The following ATRNL1 variants were observed in gnomAD, a reference collection of about 807,000 sequenced individuals.
ATRNL1 encodes the protein attractin-like protein 1.
ATRNL1 carries 95 observed loss-of-function variants against 182.7 expected under a neutral mutation model. That is an observed-to-expected ratio of 0.52 (90% CI 0.44 to 0.62). The LOEUF is 0.62. Ranked by LOEUF, ATRNL1 falls within the 20% of genes least tolerant of loss-of-function variation. ATRNL1 has a pLI of 0.00. For synonymous variants in ATRNL1, 576 were observed against 568.3 expected, an observed-to-expected ratio of 1.01 and a Z score of -0.19; for missense variants, 1,471 against 1,679.5, an observed-to-expected ratio of 0.88 and a Z score of 2.17.
At chr10:115,537,276 TC>T (rs773595962) in intron 25 of ATRNL1, among the ~76,000 whole-genome samples, 1 of 152,196 alleles carries the variant, frequency 6.6e-6, no homozygotes, top group Non-Finnish European at 1.5e-5. Context: ...AATAGACTTC[TC>T]CAAGAGTCAT....
intron 26 of ATRNL1, among the ~76,000 whole-genome samples, chr10:115,615,095 CTTTG>C (rs1274985948): frequency 2.6e-5 from 4 of 151,760 alleles, no homozygotes; most frequent in African/African-American, 7.3e-5. Flanking sequence ...TGTGTATATC[CTTTG>C]TTTCTTTCTT....
At chr10:115,848,167 T>C (rs1555099493) in intron 28 of ATRNL1, among the ~76,000 whole-genome samples, 176 bp downstream of exon 28, 1 of 152,180 alleles carries the variant, frequency 6.6e-6, no homozygotes, top group East Asian at 1.9e-4. Flanking sequence ...TGCATTGTTA[T>C]AAAGGTAGAT....
At chr10:115,320,419 C>T (rs1854522875) in intron 18 of ATRNL1, among the ~76,000 whole-genome samples, 1 of 152,022 alleles carries the variant, frequency 6.6e-6, no homozygotes, top group African/African-American at 2.4e-5. Flanking sequence ...TCTGTATTTC[C>T]TGAATTTGAA....
At chr10:115,815,906 G>A (rs1950153683) in intron 27 of ATRNL1, among the ~76,000 whole-genome samples, 1 of 152,112 alleles carries the variant, frequency 6.6e-6, no homozygotes, top group Non-Finnish European at 1.5e-5. Context: ...TGCCAGGTAA[G>A]AGGAGAATAA....
At chr10:115,678,022 T>A (rs1019089433) in intron 26 of ATRNL1, among the ~76,000 whole-genome samples, 10 of 152,070 alleles carry the variant, frequency 6.6e-5, no homozygotes, top group African/African-American at 2.4e-4. Flanking sequence ...AAAATTTGAG[T>A]TTGGTATGGG....
chr10:115,253,176 G>A (rs1018223736), intron 10 of ATRNL1, among the ~76,000 whole-genome samples: 2 of 152,180 alleles, frequency 1.3e-5, no homozygotes, highest in Non-Finnish European at 2.9e-5. Context: ...AAGAGGTAGG[G>A]GGATGATGCA....
At chr10:115,794,070 G>T (rs532461570) in intron 27 of ATRNL1, among the ~76,000 whole-genome samples, 1 of 152,278 alleles carries the variant, frequency 6.6e-6, no homozygotes, top group East Asian at 1.9e-4. Context: ...AGACAAGTGT[G>T]CATCAAACGG....
intron 20 of ATRNL1, among the ~76,000 whole-genome samples, chr10:115,415,519 A>G (rs1554960685): frequency 6.7e-6 from 1 of 149,144 alleles, no homozygotes; most frequent in Non-Finnish European, 1.5e-5. Flanking sequence ...TTTTTTTGCT[A>G]TGCAGCTTTC....
At chr10:115,420,038 A>T (rs1554961658) in intron 20 of ATRNL1, among the ~76,000 whole-genome samples, 1 of 122,206 alleles carries the variant, frequency 8.2e-6, no homozygotes, top group Non-Finnish European at 1.9e-5. Context: ...ATGTCTTAAC[A>T]ATTTTTTTTT....
At chr10:115,400,349 G>T (rs1554956706) in intron 20 of ATRNL1, among the ~76,000 whole-genome samples, 1 of 152,112 alleles carries the variant, frequency 6.6e-6, no homozygotes, top group East Asian at 1.9e-4. Flanking sequence ...CTTGAAAAGT[G>T]TTTTAATTCT....
intron 27 of ATRNL1, among the ~76,000 whole-genome samples, chr10:115,809,547 T>C (rs1362973634): frequency 6.6e-6 from 1 of 152,058 alleles, no homozygotes; most frequent in Non-Finnish European, 1.5e-5. Context: ...CCTAAATTTT[T>C]GATACTACTA....
intron 26 of ATRNL1, among the ~76,000 whole-genome samples, chr10:115,618,298 A>C (rs1292398919): frequency 2.0e-5 from 3 of 151,994 alleles, no homozygotes; most frequent in African/African-American, 7.2e-5. Context: ...CTCAGAGAAG[A>C]CCTTTTGAGT....
Position 115,946,597 on chromosome 10 carries a change from T to C in ATRNL1, c.*1818T>C, listed in dbSNP as rs868936784. The C allele has an allele frequency of 6.6e-6, 1 of 152,142 alleles. No individual in the cohort carries two copies. The highest frequency in any genetic ancestry group is 2.4e-5 in the African/African-American group (1 of 41,442). 9.4% of individuals were successfully genotyped at this position (152,142 alleles called of 1,614,324 possible). On this transcript the variant is annotated 3_prime_UTR_variant, in exon 29 of 29. Coordinates refer to ENST00000355044, the MANE Select transcript of ATRNL1 (RefSeq NM_207303.4). ...TTTTAGTAATTTTATCTATAATCTGTGGGGTTTTTTTGGAGGGGGAGGCCA... is the reference window on the plus strand; with the variant it reads ...TTTTAGTAATTTTATCTATAATCTGCGGGGTTTTTTTGGAGGGGGAGGCCA...
intron 26 of ATRNL1, among the ~76,000 whole-genome samples, chr10:115,721,826 G>A (rs889201663): frequency 1.3e-5 from 2 of 152,244 alleles, no homozygotes; most frequent in South Asian, 2.1e-4. Flanking sequence ...AACATTTTCC[G>A]TTTTTCCTTT....
intron 26 of ATRNL1, among the ~76,000 whole-genome samples, chr10:115,666,619 AAT>A (rs1205399152): frequency 6.6e-6 from 1 of 152,190 alleles, no homozygotes; most frequent in African/African-American, 2.4e-5. Context: ...TGAGCCTTCC[AAT>A]ATGACAGCCA....
intron 28 of ATRNL1, among the ~76,000 whole-genome samples, chr10:115,914,407 C>A (rs573048684): frequency 8.5e-4 from 130 of 152,272 alleles, no homozygotes; most frequent in African/African-American, 3.1e-3. Flanking sequence ...ATTCTGAGGT[C>A]ATGTTGACCA....
intron 25 of ATRNL1, among the ~76,000 whole-genome samples, chr10:115,530,118 C>CTATT (rs59527945): frequency 0.19 from 28,895 of 151,866 alleles, 3,164 homozygotes; most frequent in Non-Finnish European, 0.25. Flanking sequence ...TTTTATTTCT[C>CTATT]TATTAGTTGA....
intron 28 of ATRNL1, among the ~76,000 whole-genome samples, chr10:115,851,862 T>C (rs1336626493): frequency 1.3e-5 from 2 of 152,118 alleles, no homozygotes; most frequent in Non-Finnish European, 2.9e-5. Context: ...GGTTGAAAGA[T>C]TGACATCTCC....
intron 27 of ATRNL1, among the ~76,000 whole-genome samples, chr10:115,754,673 A>T (rs11197431): frequency 0.03 from 4,532 of 152,232 alleles, 248 homozygotes; most frequent in African/African-American, 0.1. Context: ...GTTCCATATG[A>T]ACTTTAAAGT....
Sources: allele counts gnomAD v4.1 joint callset (sites outside exome capture counted in the v4.1 genomes callset), GRCh38; gene constraint gnomAD v4.1.1; transcripts MANE v1.5; gene names NCBI Gene and HGNC (gene_info 2026-07-23, HGNC 2026-07-21).